Variants in CIMAP2 observed in about 807,000 individuals in gnomAD.
CIMAP2 encodes ciliary microtubule-associated protein 2.
At chr1:54,811,785 G>GC in the CIMAP2 span, 7,283 of 354,328 alleles carry the variant, frequency 0.021, 340 homozygotes, top group African/African-American at 0.26. Flanking sequence ...CCCCACCCCC[G>GC]CCCCACAGAA....
chr1:54,836,281 C>CTG, the CIMAP2 span, among the ~76,000 whole-genome samples: 1 of 49,246 alleles, frequency 2.0e-5, no homozygotes, highest in African/African-American at 6.6e-5. Flanking sequence ...GCCTACCTGC[C>CTG]CGCCTGCCTG....
the CIMAP2 span, chr1:54,811,765 G>GCCGGGGGGGGGGGCGCCCCCCC: frequency 7.7e-7 from 1 of 1,301,326 alleles, no homozygotes; most frequent in Non-Finnish European, 1.1e-6. Context: ...GGTTCTGACA[G>GCCGGGGGGGGGGGCGCCCCCCC]CCTCCATGCC....
the CIMAP2 span, among the ~76,000 whole-genome samples, chr1:54,829,884 A>C: frequency 6.6e-6 from 1 of 151,176 alleles, no homozygotes; most frequent in Non-Finnish European, 1.5e-5. Context: ...TTTTTTTCAA[A>C]TCTCATTTTT....
At chr1:54,825,782 A>G in the CIMAP2 span, among the ~76,000 whole-genome samples, 1 of 151,514 alleles carries the variant, frequency 6.6e-6, no homozygotes, top group African/African-American at 2.4e-5. Flanking sequence ...AGTAGTGGCA[A>G]TGGGCCAAAC....
the CIMAP2 span, among the ~76,000 whole-genome samples, chr1:54,825,848 A>C: frequency 6.6e-6 from 1 of 151,566 alleles, no homozygotes; most frequent in African/African-American, 2.4e-5. Context: ...AGTGGTGAGC[A>C]AGAGGGGCCA....
chr1:54,819,501 C>A, the CIMAP2 span, among the ~76,000 whole-genome samples: 1 of 152,188 alleles, frequency 6.6e-6, no homozygotes, highest in Admixed American at 6.5e-5. Flanking sequence ...CATGTAGCTG[C>A]AACTATAGGT....
chr1:54,824,677 A>G, the CIMAP2 span, among the ~76,000 whole-genome samples: 1,728 of 151,600 alleles, frequency 0.011, 11 homozygotes, highest in Non-Finnish European at 0.017. Flanking sequence ...GAAGTTCTTG[A>G]TTGTATTTTT....
chr1:54,814,109 T>C, the CIMAP2 span: 1 of 1,166,648 alleles, frequency 8.6e-7, no homozygotes, highest in Non-Finnish European at 1.2e-6. Context: ...TTTCCAATCC[T>C]GGTCTGGAAC....
At chr1:54,810,368 T>G in the CIMAP2 span, among the ~76,000 whole-genome samples, 426 of 152,222 alleles carry the variant, frequency 2.8e-3, 1 homozygote, top group Non-Finnish European at 3.8e-3. Flanking sequence ...GCTGACTTGG[T>G]CTCCCCCAGT....
chr1:54,837,084 T>A, the CIMAP2 span, among the ~76,000 whole-genome samples: 1 of 152,074 alleles, frequency 6.6e-6, no homozygotes, highest in African/African-American at 2.4e-5. Context: ...CAGGGGGTTA[T>A]GAAATATTAC....
chr1:54,808,920 G>A, the CIMAP2 span, among the ~76,000 whole-genome samples: 1 of 13,306 alleles, frequency 7.5e-5, no homozygotes, highest in African/African-American at 2.0e-4. Flanking sequence ...TTTCACATGG[G>A]GCTTTGCCCC....
the CIMAP2 span, among the ~76,000 whole-genome samples, chr1:54,817,894 T>C: frequency 6.6e-6 from 1 of 152,230 alleles, no homozygotes; most frequent in Non-Finnish European, 1.5e-5. Context: ...GGTGGGTTCC[T>C]GAGAAAGGGC....
At chr1:54,829,722 T>C in the CIMAP2 span, among the ~76,000 whole-genome samples, 87 of 152,336 alleles carry the variant, frequency 5.7e-4, 1 homozygote, top group African/African-American at 2.0e-3. Context: ...TTTTGTCTTC[T>C]GAATGTTCCT....
the CIMAP2 span, among the ~76,000 whole-genome samples, chr1:54,840,950 T>C: frequency 6.6e-6 from 1 of 152,280 alleles, no homozygotes; most frequent in South Asian, 2.1e-4. Flanking sequence ...ACTTAGGGCA[T>C]TATGGACTGT....
At chr1:54,842,010 TG>T in the CIMAP2 span, 36 of 871,550 alleles carry the variant, frequency 4.1e-5, no homozygotes, top group Admixed American at 5.8e-4. Flanking sequence ...GAGAGATGTA[TG>T]GGGATCACCT....
the CIMAP2 span, among the ~76,000 whole-genome samples, chr1:54,840,145 CAGT>C: frequency 2.3e-5 from 3 of 130,608 alleles, no homozygotes; most frequent in Admixed American, 7.3e-5. Context: ...TATCTGTAGT[CAGT>C]CTACTCCTCC....
At chr1:54,817,213 A>C in the CIMAP2 span, 2 of 1,525,098 alleles carry the variant, frequency 1.3e-6, no homozygotes. Context: ...TTTGGTTCCC[A>C]TGGGAACACA....
the CIMAP2 span, chr1:54,807,693 G>A: frequency 9.4e-6 from 15 of 1,589,264 alleles, no homozygotes; most frequent in South Asian, 1.5e-4. Context: ...GGCTGAAGGT[G>A]AGGCCTCTGG....
At chr1:54,812,706 T>G in the CIMAP2 span, among the ~76,000 whole-genome samples, 1 of 152,210 alleles carries the variant, frequency 6.6e-6, no homozygotes, top group African/African-American at 2.4e-5. Flanking sequence ...TTTGTGCTCA[T>G]AGCCACTGGA....
Sources: allele counts gnomAD v4.1 joint callset (sites outside exome capture counted in the v4.1 genomes callset), GRCh38; gene constraint gnomAD v4.1.1; transcripts MANE v1.5; gene names NCBI Gene and HGNC (gene_info 2026-07-23, HGNC 2026-07-21).